The following SPAG16 variants were observed in gnomAD, a reference collection of about 807,000 sequenced individuals.
SPAG16 encodes sperm-associated antigen 16 protein.
A neutral mutation model predicts 80.4 loss-of-function variants in SPAG16; 86 were observed. The ratio of observed to expected loss-of-function variants is 1.07; its 90% CI spans 0.90 to 1.28. SPAG16 has a LOEUF of 1.28. Among genes scored for constraint, SPAG16 ranks in the 50% most tolerant of loss-of-function variants. The pLI is 0.00. For synonymous variants in SPAG16, 294 were observed against 265.9 expected (o/e 1.11, Z -1.03); for missense variants, 870 against 765.3 (o/e 1.14, Z -1.61).
At chr2:214,126,733 C>T (rs971493131) in intron 14 of SPAG16, among the ~76,000 whole-genome samples, 18 of 151,780 alleles carry the variant, frequency 1.2e-4, no homozygotes, top group Non-Finnish European at 4.4e-5. Flanking sequence ...ACAGATCTTA[C>T]AGATTGTGTA....
chr2:213,949,178 T>TTTTTTTTTTTTTG (rs1553677646), intron 12 of SPAG16, among the ~76,000 whole-genome samples: 1 of 19,176 alleles, frequency 5.2e-5, no homozygotes, highest in Non-Finnish European at 1.6e-4. Context: ...AGTTTTTTTT[T>TTTTTTTTTTTTTG]TTTTTTTTTT....
intron 11 of SPAG16, among the ~76,000 whole-genome samples, chr2:213,871,810 C>T (rs2075956084): frequency 6.7e-6 from 1 of 149,908 alleles, no homozygotes; most frequent in South Asian, 2.1e-4. Context: ...ACATGGAATA[C>T]AGACTTTACT....
chr2:214,027,143 G>A (rs148680489), intron 13 of SPAG16, among the ~76,000 whole-genome samples: 46 of 151,498 alleles, frequency 3.0e-4, no homozygotes, highest in Admixed American at 3.0e-3. Context: ...CTTAAAATAA[G>A]TAATGATAAA....
intron 15 of SPAG16, among the ~76,000 whole-genome samples, chr2:214,207,683 G>C (rs1185882978): frequency 1.3e-5 from 2 of 152,202 alleles, no homozygotes; most frequent in Non-Finnish European, 2.9e-5. Flanking sequence ...GTGTGTCTGT[G>C]AGGGTGTTTC....
chr2:213,643,402 A>G (rs545794649), intron 10 of SPAG16, among the ~76,000 whole-genome samples: 607 of 46,760 alleles, frequency 0.013, 9 homozygotes, highest in Middle Eastern at 0.05. Context: ...ATATATATAT[A>G]TATATATATT....
At position 213,980,249 on chromosome 2, in the gene SPAG16, ATATATGTGTGTATATATATTCTC is replaced by A. The variant is rs2045634240; in HGVS notation, c.1401-33696_1401-33674del. ...TATATATATTCTCTATATATATAGA[ATATATGTGTGTATATATATTCTC>A]TATATATATAGAATATATGTGTGTA... On this transcript the variant is annotated intron_variant, in intron 12 of 15. Transcript: ENST00000331683. Among the ~76,000 whole-genome samples, 30 of 87,610 alleles carry A rather than the reference ATATATGTGTGTATATATATTCTC, an allele frequency of 3.4e-4. 4 individuals are homozygous for A. The highest frequency in any genetic ancestry group is 1.8e-3 in the African/African-American group (30 of 16,590). The allele number at this position is 87,610 out of a possible 152,430, so 57.5% of individuals were successfully genotyped here. A position where few individuals can be genotyped will look rare whatever the true frequency, so the allele number is the denominator to read the frequency against.
In SPAG16 at chr2:213,645,543, G is replaced by A. The variant is rs528479980; in HGVS notation, c.1070+155453G>A. On this transcript the variant is annotated intron_variant, in intron 10 of 15. Transcript: ENST00000331683. Reference sequence around the variant, plus strand: ...TGGCCCAGGGTGTTTGTCTAAAAATGTCATTTGATAGCTAGGGCCTGTAAC... The same window carrying A: ...TGGCCCAGGGTGTTTGTCTAAAAATATCATTTGATAGCTAGGGCCTGTAAC... 1.1e-4 allele frequency among the ~76,000 whole-genome samples: 17 copies of A among 152,290 alleles called. No homozygotes were observed. The South Asian group carries it at 3.3e-3, about 30-fold the overall frequency.
chr2:214,410,320 C>G lies in SPAG16; in HGVS notation c.*5C>G, dbSNP rs771905814. 1.9e-6 allele frequency: 3 copies of G among 1,586,540 alleles called. No individual in the cohort carries two copies. Among genetic ancestry groups the G allele is most frequent in the Non-Finnish European group, 2.6e-6 (3 of 1,158,426 alleles). On this transcript the variant is annotated 3_prime_UTR_variant, in exon 16 of 16. Coordinates refer to ENST00000331683, the MANE Select transcript of SPAG16 (RefSeq NM_024532.5). ...ACAGTTCGAACGTGGTCTTGACCGT[C>G]AGCACATCCCGCTGCAGAGGGCATT... is the stretch of plus-strand genomic sequence containing the variant.
rs78932586 is a variant in SPAG16 at position 213,828,860 on chromosome 2, C to G, written c.1071-33625C>G. ...GGATTGCCAGGTAGAGACTCTTGTT[C>G]CCTTTGCTTACTTTCTCCTGAATAG... On this transcript the variant is annotated intron_variant, in intron 10 of 15. Coordinates refer to ENST00000331683, the MANE Select transcript of SPAG16 (RefSeq NM_024532.5). Among the ~76,000 whole-genome samples the G allele has an allele frequency of 5.6e-3, 858 of 152,272 alleles. 7 individuals carry two copies. Among genetic ancestry groups the G allele is most frequent in the African/African-American group, 0.019 (792 of 41,562 alleles).
At chr2:214,106,486 C>A (rs2053389963) in intron 13 of SPAG16, among the ~76,000 whole-genome samples, 1 of 152,142 alleles carries the variant, frequency 6.6e-6, no homozygotes, top group Non-Finnish European at 1.5e-5. Context: ...ATTTTGCACT[C>A]TGTGAACAAA....
chr2:213,894,102 T>C (rs1329010421), intron 11 of SPAG16, among the ~76,000 whole-genome samples: 1 of 152,062 alleles, frequency 6.6e-6, no homozygotes, highest in Non-Finnish European at 1.5e-5. Flanking sequence ...TATACTTATA[T>C]CAGATAAAAT....
Position 214,362,954 on chromosome 2 carries a change from A to G in SPAG16, c.1721-47186A>G, listed in dbSNP as rs572134264. ...TTGTCATTTCCATCTCTAAAGTTCC[A>G]TTGATTCATATTTGTCTTCCTTCAA... On this transcript the variant is annotated intron_variant, in intron 15 of 15. Coordinates refer to ENST00000331683, the MANE Select transcript of SPAG16 (RefSeq NM_024532.5). 2.6e-5 allele frequency among the ~76,000 whole-genome samples: 4 copies of G among 152,004 alleles called. No individual in the cohort carries two copies. The East Asian group carries it at 5.8e-4, about 22-fold the overall frequency.
intron 12 of SPAG16, among the ~76,000 whole-genome samples, chr2:213,950,288 A>T (rs1042491838): frequency 1.3e-5 from 2 of 152,160 alleles, no homozygotes; most frequent in African/African-American, 4.8e-5. Context: ...TTCTTCTAAG[A>T]ATTAAGAAAA....
intron 13 of SPAG16, among the ~76,000 whole-genome samples, chr2:214,021,247 A>AAAG (rs770015553): frequency 7.2e-5 from 11 of 152,310 alleles, no homozygotes; most frequent in Non-Finnish European, 1.3e-4. Context: ...AAAATATTAT[A>AAAG]AAGATCCTAA....
intron 11 of SPAG16, among the ~76,000 whole-genome samples, chr2:213,895,136 TA>T (rs1444442746): frequency 2.0e-5 from 3 of 151,058 alleles, no homozygotes; most frequent in Admixed American, 6.6e-5. Flanking sequence ...GTGAAGAATC[TA>T]AAAAAGAAAT....
chr2:213,553,537 G>C (rs140480838), intron 10 of SPAG16, among the ~76,000 whole-genome samples: 1 of 152,158 alleles, frequency 6.6e-6, no homozygotes, highest in Admixed American at 6.5e-5. Flanking sequence ...GGGGCTGCAC[G>C]CTCCTCCCCT....
chr2:213,487,128 C>G (rs73986893), intron 9 of SPAG16, among the ~76,000 whole-genome samples: 11,865 of 151,960 alleles, frequency 0.078, 1,593 homozygotes, highest in African/African-American at 0.27. Flanking sequence ...TTAACCCTGA[C>G]TTTTATTTCA....
chr2:213,676,743 A>C (rs1214879457), intron 10 of SPAG16, among the ~76,000 whole-genome samples: 3 of 150,752 alleles, frequency 2.0e-5, no homozygotes, highest in African/African-American at 7.3e-5. Flanking sequence ...CCACTTGATC[A>C]TGGTGGATAA....
intron 10 of SPAG16, among the ~76,000 whole-genome samples, chr2:213,852,921 C>T (rs2074978170): frequency 6.6e-6 from 1 of 152,172 alleles, no homozygotes; most frequent in Admixed American, 6.5e-5. Context: ...TAATGCACAT[C>T]ACGATATAAG....
Sources: allele counts gnomAD v4.1 joint callset (sites outside exome capture counted in the v4.1 genomes callset), GRCh38; gene constraint gnomAD v4.1.1; transcripts MANE v1.5; gene names NCBI Gene and HGNC (gene_info 2026-07-23, HGNC 2026-07-21).